Variants in NBEAL1 observed in about 807,000 individuals in gnomAD.
The protein encoded by NBEAL1 is neurobeachin-like protein 1.
Under a neutral mutation model 351.3 loss-of-function variants are expected in NBEAL1, and 273 were observed. That is an observed-to-expected ratio of 0.78 (90% CI 0.70 to 0.86). The LOEUF is 0.86. Among genes scored for constraint, NBEAL1 ranks in the 40% least tolerant of loss-of-function variants. NBEAL1 has a pLI of 0.00. For missense variants in NBEAL1, 2,961 were observed against 3,201.3 expected (o/e 0.92, Z 1.81); for synonymous variants, 1,050 against 1,086.4 (o/e 0.97, Z 0.66).
intron 33 of NBEAL1, among the ~76,000 whole-genome samples, chr2:203,146,077 C>T (rs573464061): frequency 1.3e-5 from 2 of 151,388 alleles, no homozygotes; most frequent in South Asian, 2.1e-4. Context: ...ACTGACTCCC[C>T]GGACATCAAC....
At chr2:203,118,021 C>G (rs561707597) in intron 18 of NBEAL1, among the ~76,000 whole-genome samples, 36 of 152,120 alleles carry the variant, frequency 2.4e-4, no homozygotes, top group African/African-American at 8.4e-4. Flanking sequence ...TGTATCTGAC[C>G]TAATAAAATT....
At chr2:203,134,410 C>G (rs1456904140) in intron 27 of NBEAL1, among the ~76,000 whole-genome samples, 2 of 152,104 alleles carry the variant, frequency 1.3e-5, no homozygotes, top group African/African-American at 4.8e-5. Flanking sequence ...GTAACAGTTG[C>G]TCACTGATTG....
intron 10 of NBEAL1, among the ~76,000 whole-genome samples, chr2:203,092,120 C>T (rs1294025314): frequency 6.6e-6 from 1 of 152,056 alleles, no homozygotes; most frequent in Non-Finnish European, 1.5e-5. Flanking sequence ...GGGAACAGAA[C>T]ATTGTGTAAA....
intron 7 of NBEAL1, among the ~76,000 whole-genome samples, chr2:203,070,211 A>C (rs547629816): frequency 6.6e-6 from 1 of 151,852 alleles, no homozygotes; most frequent in South Asian, 2.1e-4. Context: ...TTTTTAATGT[A>C]CTTTTACTGC....
At chr2:203,129,622 T>C (rs968672528) in intron 24 of NBEAL1, among the ~76,000 whole-genome samples, 3 of 152,224 alleles carry the variant, frequency 2.0e-5, no homozygotes, top group Non-Finnish European at 4.4e-5. Context: ...AATATAATGA[T>C]GAATTATTAT....
At chr2:203,085,049 A>G (rs780329528) in intron 10 of NBEAL1, 2 of 154,946 alleles carry the variant, frequency 1.3e-5, no homozygotes, top group African/African-American at 4.8e-5. Context: ...GTGCAAACCT[A>G]TTACTCTAAC....
In NBEAL1 at chr2:203,083,409, G is replaced by A. The variant is rs2061907279; in HGVS notation, c.875G>A (p.Ser292Asn). 1.3e-6 allele frequency: 2 copies of A among 1,554,908 alleles called. No individual in the cohort carries two copies. The highest frequency in any genetic ancestry group is 1.7e-6 in the Non-Finnish European group (2 of 1,147,810). The change falls in exon 9 of 56, where the codon AGT becomes AAT. Residue 292 changes from serine (S) to asparagine (N), a missense_variant. Coordinates refer to ENST00000683969, the MANE Select transcript of NBEAL1 (RefSeq NM_001378026.1). ...TCTGATCAGCGTCAAGTGGAAACCA[G>A]TACTATTCTGGAGAACTATTTTAAA... is the stretch of plus-strand genomic sequence containing the variant. ...SNSDQRQVETSTILENYFKLL... is the reference protein window; with the variant it reads ...SNSDQRQVETNTILENYFKLL...
chr2:203,103,675 C>G (rs2106220637), intron 12 of NBEAL1, among the ~76,000 whole-genome samples: 1 of 152,222 alleles, frequency 6.6e-6, no homozygotes, highest in East Asian at 1.9e-4. Context: ...TCTTGTTTCT[C>G]CAGTTCTCTA....
chr2:203,017,215 C>T (rs2060696601), intron 2 of NBEAL1, among the ~76,000 whole-genome samples: 1 of 152,272 alleles, frequency 6.6e-6, no homozygotes, highest in African/African-American at 2.4e-5. Flanking sequence ...AAGATACTGG[C>T]AAGGGTCAGA....
chr2:203,091,363 A>G (rs766306358), intron 10 of NBEAL1, among the ~76,000 whole-genome samples: 3 of 152,082 alleles, frequency 2.0e-5, no homozygotes, highest in Non-Finnish European at 4.4e-5. Flanking sequence ...TATATACCAC[A>G]TTTTGCTTAT....
intron 5 of NBEAL1, 102 bp from the exon 6 acceptor site, chr2:203,057,222 ACT>A (rs2061419117): frequency 1.1e-6 from 1 of 942,444 alleles, no homozygotes; most frequent in Non-Finnish European, 1.6e-6. Context: ...TGATTAAATG[ACT>A]CTTAGTCTCA....
At chr2:203,167,598 CACT>C (rs2064176150) in intron 38 of NBEAL1, among the ~76,000 whole-genome samples, 1 of 152,072 alleles carries the variant, frequency 6.6e-6, no homozygotes, top group African/African-American at 2.4e-5. Flanking sequence ...TTTAGTGCCT[CACT>C]ACATTCACTT....
At chr2:203,160,763 G>T (rs1291763747) in intron 36 of NBEAL1, among the ~76,000 whole-genome samples, 1 of 152,164 alleles carries the variant, frequency 6.6e-6, no homozygotes, top group Non-Finnish European at 1.5e-5. Context: ...GTTTTAACCG[G>T]CTGTGTGTTG....
intron 49 of NBEAL1, 38 bp downstream of exon 49, chr2:203,199,485 A>C (rs1316195618): frequency 1.0e-6 from 1 of 989,500 alleles, no homozygotes; most frequent in Non-Finnish European, 1.6e-6. Flanking sequence ...TAGCTATACC[A>C]GATACCTTAT....
At chr2:203,156,014 A>G (rs1400579815) in intron 35 of NBEAL1, among the ~76,000 whole-genome samples, 1 of 152,074 alleles carries the variant, frequency 6.6e-6, no homozygotes, top group Non-Finnish European at 1.5e-5. Context: ...GCCTGTTGGG[A>G]TATCTCTTAC....
At chr2:203,072,776 A>G (rs1299024183) in intron 7 of NBEAL1, among the ~76,000 whole-genome samples, 3 of 152,158 alleles carry the variant, frequency 2.0e-5, no homozygotes, top group Admixed American at 1.3e-4. Context: ...CATGCACCTC[A>G]AAACTCTTCC....
At chr2:203,110,372 C>T (rs1574982586) in intron 15 of NBEAL1, 90 bp downstream of exon 15, 3 of 1,419,284 alleles carry the variant, frequency 2.1e-6, no homozygotes, top group East Asian at 5.1e-5. Flanking sequence ...CATTTTTTTG[C>T]TAAAAAATTT....
intron 2 of NBEAL1, among the ~76,000 whole-genome samples, chr2:203,021,710 C>A (rs1469846086): frequency 6.6e-6 from 1 of 151,990 alleles, no homozygotes; most frequent in Non-Finnish European, 1.5e-5. Flanking sequence ...ATTTTTGTTT[C>A]TATATTATTA....
chr2:203,205,781 C>G (rs1437385906), intron 51 of NBEAL1, among the ~76,000 whole-genome samples: 1 of 152,218 alleles, frequency 6.6e-6, no homozygotes, highest in Non-Finnish European at 1.5e-5. Flanking sequence ...AAGGGCTCCT[C>G]TTTCTCTTGA....
Sources: gnomAD v4.1 joint callset for allele counts (sites outside exome capture counted in the v4.1 genomes callset) on GRCh38, gnomAD v4.1.1 for gene constraint, MANE v1.5 for transcripts, NCBI Gene and HGNC (gene_info 2026-07-23, HGNC 2026-07-21) for gene names.